The following CACNA2D2 variants were observed in gnomAD, a reference collection of about 807,000 sequenced individuals.
CACNA2D2 encodes calcium voltage-gated channel auxiliary subunit alpha2delta 2.
A neutral mutation model predicts 166.4 loss-of-function variants in CACNA2D2; 48 were observed. That is an observed-to-expected ratio of 0.29 (90% confidence interval 0.23 to 0.37). The LOEUF is 0.37. CACNA2D2 is among the 10% of genes least tolerant of loss of function. The pLI is 1.00. For synonymous variants in CACNA2D2, 561 were observed against 573.7 expected (o/e 0.98, Z 0.32); for missense variants, 1,122 against 1,433.0 (o/e 0.78, Z 3.50).
intron 1 of CACNA2D2, among the ~76,000 whole-genome samples, chr3:50,485,031 G>C (rs1698220445): frequency 6.6e-6 from 1 of 152,216 alleles, no homozygotes; most frequent in Non-Finnish European, 1.5e-5. Context: ...GTTTATGATG[G>C]GCCCGCCCAG....
chr3:50,469,612 A>C (rs1425941670), intron 2 of CACNA2D2, among the ~76,000 whole-genome samples: 1 of 152,128 alleles, frequency 6.6e-6, no homozygotes, highest in Non-Finnish European at 1.5e-5. Flanking sequence ...TGCTCCCCTG[A>C]GATCTTCACA....
At chr3:50,433,729 C>T (rs1708180195) in intron 3 of CACNA2D2, among the ~76,000 whole-genome samples, 2 of 152,180 alleles carry the variant, frequency 1.3e-5, no homozygotes, top group Non-Finnish European at 2.9e-5. Flanking sequence ...CAGCCCAGCG[C>T]ATTCCTGTTA....
intron 2 of CACNA2D2, among the ~76,000 whole-genome samples, chr3:50,451,778 G>A (rs1709115629): frequency 6.6e-6 from 1 of 152,080 alleles, no homozygotes; most frequent in Admixed American, 6.6e-5. Context: ...TGTCCCACAG[G>A]TGCACCCTTC....
chr3:50,480,199 A>T (rs965297280), intron 1 of CACNA2D2, among the ~76,000 whole-genome samples: 2 of 152,182 alleles, frequency 1.3e-5, no homozygotes, highest in Non-Finnish European at 2.9e-5. Flanking sequence ...CCATGATCCC[A>T]TCTTTCCAGG....
chr3:50,434,771 T>G (rs1376297841), intron 2 of CACNA2D2, among the ~76,000 whole-genome samples: 1 of 152,188 alleles, frequency 6.6e-6, no homozygotes, highest in South Asian at 2.1e-4. Flanking sequence ...TAACTGTGAA[T>G]AGCAGAGGGG....
intron 2 of CACNA2D2, among the ~76,000 whole-genome samples, chr3:50,443,887 CA>C (rs1168713649): frequency 6.6e-6 from 1 of 152,170 alleles, no homozygotes; most frequent in Non-Finnish European, 1.5e-5. Context: ...CTTGGTGGGC[CA>C]GGGGGGACTC....
chr3:50,471,240 C>T (rs1419115802), intron 2 of CACNA2D2, among the ~76,000 whole-genome samples: 3 of 151,884 alleles, frequency 2.0e-5, no homozygotes, highest in Non-Finnish European at 4.4e-5. Flanking sequence ...AGGGGCTGTG[C>T]CATGCTTGCC....
At chr3:50,377,580 A>G (rs780749194) in intron 16 of CACNA2D2, 39 bp from the exon 17 acceptor site, 7 of 1,601,434 alleles carry the variant, frequency 4.4e-6, no homozygotes, top group African/African-American at 2.7e-5. Context: ...AGTGAGCTCA[A>G]TTCCATGGGG....
intron 3 of CACNA2D2, among the ~76,000 whole-genome samples, chr3:50,428,159 T>C (rs1410926904): frequency 6.6e-6 from 1 of 152,132 alleles, no homozygotes; most frequent in Non-Finnish European, 1.5e-5. Flanking sequence ...AGAAATATTT[T>C]TGGTCATGAC....
chr3:50,378,298 G>T lies in CACNA2D2; in HGVS notation c.1375C>A (p.Arg459Ser). 6.4e-7 allele frequency: 1 copy of T among 1,552,876 alleles called. No individual in the cohort carries two copies. Among genetic ancestry groups the T allele is most frequent in the Non-Finnish European group, 8.7e-7 (1 of 1,147,826 alleles). Residue 459 changes from arginine (R) to serine (S), a missense_variant, in exon 14 of 38, where the codon CGC (arginine) becomes AGC (serine). By Grantham distance (110) the Arg-to-Ser change is moderately radical. This residue lies in a region of CACNA2D2 where 840 missense variants were observed against 1,166.8 expected (regional missense o/e 0.72). Transcript: ENST00000424201. ...YFEIPSIGAI[R>S]INTQEYLDVL... ...CCAAGTCTCACCTGTGTGTTGATGCGGATGGCTCCGATGGAAGGGATCTCA... is the reference window on the plus strand; with the variant it reads ...CCAAGTCTCACCTGTGTGTTGATGCTGATGGCTCCGATGGAAGGGATCTCA...
At chr3:50,389,542 GC>G (rs1222474654) in intron 4 of CACNA2D2, among the ~76,000 whole-genome samples, 1 of 152,174 alleles carries the variant, frequency 6.6e-6, no homozygotes, top group Non-Finnish European at 1.5e-5. Flanking sequence ...GTCACTTGCA[GC>G]CCTCAGGAGC....
chr3:50,414,921 A>C (rs1707199008), intron 3 of CACNA2D2, among the ~76,000 whole-genome samples: 1 of 152,198 alleles, frequency 6.6e-6, no homozygotes, highest in South Asian at 2.1e-4. Context: ...ACTCAAATTA[A>C]CAAATCATTT....
chr3:50,471,480 G>T (rs1396739148), intron 2 of CACNA2D2, among the ~76,000 whole-genome samples: 1 of 152,086 alleles, frequency 6.6e-6, no homozygotes, highest in Non-Finnish European at 1.5e-5. Flanking sequence ...CCCCTCTTAG[G>T]TTCTGAGGTT....
intron 2 of CACNA2D2, among the ~76,000 whole-genome samples, chr3:50,472,484 G>A (rs1013624901): frequency 3.9e-5 from 6 of 152,078 alleles, no homozygotes; most frequent in Admixed American, 3.9e-4. Context: ...CCTCAGCCCC[G>A]ACCCCAGGCA....
intron 3 of CACNA2D2, among the ~76,000 whole-genome samples, chr3:50,412,928 G>A (rs972781774): frequency 5.9e-5 from 9 of 152,210 alleles, no homozygotes; most frequent in Admixed American, 3.3e-4. Context: ...CTGGTCTCCC[G>A]GTGCCCTCTA....
At chr3:50,451,489 C>CTGAA (rs771122704) in intron 2 of CACNA2D2, among the ~76,000 whole-genome samples, 10 of 152,174 alleles carry the variant, frequency 6.6e-5, no homozygotes, top group Non-Finnish European at 1.3e-4. Flanking sequence ...ACCAGTCATC[C>CTGAA]TGAAGTTCAG....
At chr3:50,474,172 G>A (rs1710213579) in intron 2 of CACNA2D2, among the ~76,000 whole-genome samples, 1 of 152,228 alleles carries the variant, frequency 6.6e-6, no homozygotes, top group Non-Finnish European at 1.5e-5. Context: ...GACCACCTTG[G>A]TGACTGCTGG....
intron 2 of CACNA2D2, among the ~76,000 whole-genome samples, chr3:50,474,979 CA>C (rs1559985058): frequency 6.6e-6 from 1 of 152,178 alleles, no homozygotes; most frequent in African/African-American, 2.4e-5. Context: ...GGGCCACTGG[CA>C]GGGAGGACAC....
At chr3:50,399,431 G>A (rs1421990866) in intron 3 of CACNA2D2, among the ~76,000 whole-genome samples, 1 of 152,168 alleles carries the variant, frequency 6.6e-6, no homozygotes, top group East Asian at 1.9e-4. Context: ...TGAGATCTAG[G>A]GCACTGAGGG....
Sources: gnomAD v4.1 joint callset for allele counts (sites outside exome capture counted in the v4.1 genomes callset) on GRCh38, gnomAD v4.1.1 for gene constraint, gnomAD v4.1.1 regional missense constraint, MANE v1.5 for transcripts, NCBI Gene and HGNC (gene_info 2026-07-23, HGNC 2026-07-21) for gene names.